Variants in RBM25 observed in about 807,000 individuals in gnomAD.
RBM25 encodes the protein RNA-binding protein 25.
RBM25 carries 19 observed loss-of-function variants against 120.7 expected under a neutral mutation model. That is an observed-to-expected ratio of 0.16 (90% CI 0.11 to 0.23). The LOEUF is 0.23. Among genes scored for constraint, RBM25 ranks in the 10% least tolerant of loss-of-function variants. The pLI, the probability that RBM25 is intolerant of heterozygous loss-of-function variation, is 1.00. For missense variants in RBM25, 605 were observed against 1,041.5 expected, an observed-to-expected ratio of 0.58 and a Z score of 5.77; for synonymous variants, 390 against 326.7, an observed-to-expected ratio of 1.19 and a Z score of -2.09.
intron 9 of RBM25, 78 bp downstream of exon 9, chr14:73,099,828 C>A: frequency 1.4e-6 from 2 of 1,479,946 alleles, no homozygotes; most frequent in Non-Finnish European, 1.8e-6. Flanking sequence ...AAAAAATCAA[C>A]CTTAAATTAG....
chr14:73,106,754 C>T (rs1896197528), intron 12 of RBM25, among the ~76,000 whole-genome samples: 3 of 151,894 alleles, frequency 2.0e-5, no homozygotes, highest in South Asian at 4.2e-4. Flanking sequence ...AAAACTATTT[C>T]TTATAGTATC....
At chr14:73,074,734 G>A (rs1456134979) in intron 2 of RBM25, among the ~76,000 whole-genome samples, 1 of 150,932 alleles carries the variant, frequency 6.6e-6, no homozygotes, top group Non-Finnish European at 1.5e-5. Flanking sequence ...CTTTTTTTGA[G>A]AGAGTCTCAC....
chr14:73,103,310 G>A lies in RBM25; in HGVS notation c.986G>A (p.Arg329Lys). Residue 329 changes from arginine to lysine, a missense_variant, in exon 10 of 19, where the codon AGG becomes AAG. Arg to Lys is a conservative substitution (Grantham distance 26). Coordinates refer to ENST00000261973, the MANE Select transcript of RBM25 (RefSeq NM_021239.3). ...ERERRERERE[R>K]EREREREKEK... is the part of the protein sequence containing the mutation. ...GAAAGGCGAGAACGGGAACGAGAAAGGGAAAGAGAACGTGAACGAGAAAAG... is the reference window on the plus strand; with the variant it reads ...GAAAGGCGAGAACGGGAACGAGAAAAGGAAAGAGAACGTGAACGAGAAAAG... The A allele has an allele frequency of 3.2e-6, 5 of 1,583,854 alleles. No homozygotes were observed. The highest frequency in any genetic ancestry group is 2.6e-6 in the Non-Finnish European group (3 of 1,163,670).
chr14:73,095,375 C>T (rs941131482), intron 6 of RBM25, among the ~76,000 whole-genome samples: 8 of 151,586 alleles, frequency 5.3e-5, no homozygotes, highest in Non-Finnish European at 8.8e-5. Flanking sequence ...GAGGCTGAGG[C>T]GGGCGGATCA....
At chr14:73,080,148 A>G (rs1396158544) in intron 4 of RBM25, among the ~76,000 whole-genome samples, 1 of 147,932 alleles carries the variant, frequency 6.8e-6, no homozygotes, top group African/African-American at 2.5e-5. Flanking sequence ...TTACAAGATA[A>G]TTCCACACCA....
At chr14:73,116,644 A>T (rs894388304) in intron 18 of RBM25, among the ~76,000 whole-genome samples, 3 of 152,182 alleles carry the variant, frequency 2.0e-5, no homozygotes, top group African/African-American at 7.2e-5. Flanking sequence ...CTTGGAGTAG[A>T]GGGTGTCGTA....
At chr14:73,082,995 G>A (rs562771798) in intron 4 of RBM25, among the ~76,000 whole-genome samples, 7 of 152,002 alleles carry the variant, frequency 4.6e-5, no homozygotes, top group Non-Finnish European at 1.0e-4. Context: ...CAGAAGAATC[G>A]CTTGAATCTG....
Position 73,105,996 on chromosome 14 carries a change from G to A in RBM25, c.1292G>A (p.Arg431Gln), listed in dbSNP as rs757997180. The A allele has an allele frequency of 3.7e-6, 6 of 1,613,840 alleles. No individual in the cohort carries two copies. Among genetic ancestry groups the A allele is most frequent in the Non-Finnish European group, 5.1e-6 (6 of 1,179,950 alleles). ...CGAGAAAGAGAAAAAGACAAAAAACGGGACCGAGAAGAAGATGAAGAAGAT... is the reference window on the plus strand; with the variant it reads ...CGAGAAAGAGAAAAAGACAAAAAACAGGACCGAGAAGAAGATGAAGAAGAT... ...REREREKDKK[R>Q]DREEDEEDAY... Residue 431 changes from arginine to glutamine, a missense_variant, in exon 11 of 19, where the codon CGG (arginine) becomes CAG (glutamine). By Grantham distance (43) the Arg-to-Gln change is conservative. This residue lies in a region of RBM25 where 465 missense variants were observed against 741.6 expected (regional missense o/e 0.63). Transcript: ENST00000261973.
intron 5 of RBM25, among the ~76,000 whole-genome samples, chr14:73,087,398 T>C (rs1365599883): frequency 6.8e-6 from 1 of 147,440 alleles, no homozygotes; most frequent in African/African-American, 2.5e-5. Context: ...ACTCCTTTCT[T>C]TTTTTTTTTT....
chr14:73,104,441 T>G lies in RBM25; in HGVS notation c.1154+963T>G, dbSNP rs77532639. On this transcript the variant is annotated intron_variant, in intron 10 of 18. Coordinates refer to ENST00000261973, the MANE Select transcript of RBM25 (RefSeq NM_021239.3). ...TGGAGTGCAGTGGTACAGTGTTGGC[T>G]CATTGCAACCTTTGCCTCCCAGGCT... Among the ~76,000 whole-genome samples, 1,253 of 152,092 alleles carry G rather than the reference T, an allele frequency of 8.2e-3. 20 individuals carry two copies. The highest frequency in any genetic ancestry group is 0.029 in the African/African-American group (1,197 of 41,478).
intron 1 of RBM25, among the ~76,000 whole-genome samples, chr14:73,070,945 C>CAAA (rs377148981): frequency 1.4e-4 from 17 of 123,988 alleles, no homozygotes; most frequent in African/African-American, 3.7e-4. Context: ...GACTCCATCT[C>CAAA]AAAAAAAAAA....
intron 1 of RBM25, among the ~76,000 whole-genome samples, chr14:73,063,379 GA>G: frequency 6.6e-6 from 1 of 151,288 alleles, no homozygotes; most frequent in African/African-American, 2.4e-5. Flanking sequence ...TCGATCTCCT[GA>G]CTTCGTGATC....
chr14:73,083,898 C>CT (rs146202316), intron 5 of RBM25, among the ~76,000 whole-genome samples: 2,693 of 141,184 alleles, frequency 0.019, 74 homozygotes, highest in African/African-American at 0.058. Flanking sequence ...GGCCTGTTAA[C>CT]TTTTTTTTTT....
At chr14:73,114,371 T>TA in intron 18 of RBM25, 38 bp downstream of exon 18, 4 of 1,481,134 alleles carry the variant, frequency 2.7e-6, no homozygotes, top group South Asian at 1.3e-5. Context: ...TCTTTTAATT[T>TA]AAAAAAAGTT....
chr14:73,092,207 T>A (rs1566591978), intron 6 of RBM25, among the ~76,000 whole-genome samples: 1 of 121,790 alleles, frequency 8.2e-6, no homozygotes, highest in South Asian at 2.7e-4. Flanking sequence ...TTAAGGGTGG[T>A]GGGGGGTGTA....
intron 17 of RBM25, among the ~76,000 whole-genome samples, chr14:73,113,230 G>T (rs984938776): frequency 5.3e-5 from 8 of 151,908 alleles, no homozygotes; most frequent in African/African-American, 1.9e-4. Context: ...AGAACATGTG[G>T]TGTTTGGTTT....
chr14:73,103,905 GTCTC>G (rs72346306), intron 10 of RBM25, among the ~76,000 whole-genome samples: 259 of 91,658 alleles, frequency 2.8e-3, no homozygotes, highest in South Asian at 0.014. Context: ...CTGTCTGTCT[GTCTC>G]TCTCTCTCTC....
At chr14:73,105,126 C>CTTTT (rs34862161) in intron 10 of RBM25, among the ~76,000 whole-genome samples, 4 of 109,564 alleles carry the variant, frequency 3.7e-5, no homozygotes, top group African/African-American at 1.5e-4. Context: ...GGTTTTATTA[C>CTTTT]TTTTTTTTTT....
intron 14 of RBM25, among the ~76,000 whole-genome samples, chr14:73,110,256 C>A (rs975044753): frequency 1.3e-5 from 2 of 150,240 alleles, no homozygotes; most frequent in African/African-American, 4.9e-5. Context: ...AATCTCTGTT[C>A]ACTGCACCCT....
Sources: gnomAD v4.1 joint callset for allele counts (sites outside exome capture counted in the v4.1 genomes callset) on GRCh38, gnomAD v4.1.1 for gene constraint, gnomAD v4.1.1 regional missense constraint, MANE v1.5 for transcripts, NCBI Gene and HGNC (gene_info 2026-07-23, HGNC 2026-07-21) for gene names.